SLC25A43: variants seen among roughly 807,000 people sequenced by gnomAD.
SLC25A43 encodes solute carrier family 25 member 43.
Under a neutral mutation model 22.8 loss-of-function variants are expected in SLC25A43, and 10 were observed. That is an observed-to-expected ratio of 0.44 (90% CI 0.27 to 0.74). The LOEUF is 0.74. SLC25A43 is among the 30% of genes least tolerant of loss of function. The pLI, the probability that SLC25A43 is intolerant of heterozygous loss-of-function variation, is 0.17. For missense variants in SLC25A43, 233 were observed against 279.1 expected (o/e 0.83, Z 1.18); for synonymous variants, 106 against 121.6 (o/e 0.87, Z 0.84).
chrX:119,453,462 A>G lies in SLC25A43; in HGVS notation c.*397A>G, dbSNP rs972863417. 6.3e-5 allele frequency: 10 copies of G among 157,937 alleles called. No homozygotes were observed. The highest frequency in any genetic ancestry group is 1.2e-4 in the African/African-American group (4 of 32,317). 13.0% of individuals were successfully genotyped at this position (157,937 alleles called of 1,213,427 possible). Reference sequence around the variant, plus strand: ...TCAGCCACTGGGTCACTTGTAGTCAATGCAAAGCTTGCACAAACCAACGTC... The same window carrying G: ...TCAGCCACTGGGTCACTTGTAGTCAGTGCAAAGCTTGCACAAACCAACGTC... On this transcript the variant is annotated 3_prime_UTR_variant, in exon 5 of 5. Transcript: ENST00000217909.
intron 3 of SLC25A43, among the ~76,000 whole-genome samples, chrX:119,414,380 G>A (rs190192375): frequency 9.0e-6 from 1 of 111,399 alleles, no homozygotes; most frequent in Admixed American, 9.6e-5. Context: ...TGTGTTGGTG[G>A]TGGTGGTGGG....
Position 119,454,304 on chromosome X carries a change from T to C in SLC25A43, c.*1239T>C, listed in dbSNP as rs969860642. 2 of 112,563 alleles carry C rather than the reference T, an allele frequency of 1.8e-5. No individual in the cohort carries two copies. Among genetic ancestry groups the C allele is most frequent in the Non-Finnish European group, 3.8e-5 (2 of 53,313 alleles). 9.3% of individuals were successfully genotyped at this position (112,563 alleles called of 1,213,427 possible). A position where few individuals can be genotyped will look rare whatever the true frequency, so the allele number is the denominator to read the frequency against. ...GGATTGTTCCACTTTAGAGATTCTA[T>C]GTAAAGTTTATATAACTATACTTGT... On this transcript the variant is annotated 3_prime_UTR_variant, in exon 5 of 5. Transcript: ENST00000217909.
At chrX:119,413,906 T>C (rs2052374444) in intron 3 of SLC25A43, among the ~76,000 whole-genome samples, 1 of 111,240 alleles carries the variant, frequency 9.0e-6, no homozygotes. Context: ...AACCTTTGCA[T>C]TTTTTCATAT....
At chrX:119,443,083 A>G (rs754608454) in intron 3 of SLC25A43, among the ~76,000 whole-genome samples, 44 of 106,527 alleles carry the variant, frequency 4.1e-4, no homozygotes, top group Admixed American at 3.8e-3. Flanking sequence ...GTATTTATTT[A>G]CCATCTCCAG....
chrX:119,421,642 G>A (rs550834039), intron 3 of SLC25A43, among the ~76,000 whole-genome samples: 249 of 111,775 alleles, frequency 2.2e-3, no homozygotes, highest in South Asian at 5.2e-3. Flanking sequence ...CTGACCTACT[G>A]TAGCACATAC....
intron 3 of SLC25A43, among the ~76,000 whole-genome samples, chrX:119,419,931 C>T (rs12842133): frequency 0.099 from 11,044 of 111,498 alleles, 705 homozygotes; most frequent in African/African-American, 0.23. Context: ...TCAGCTCATA[C>T]CTAGGCTATT....
chrX:119,447,541 C>A (rs2052677713), intron 3 of SLC25A43, among the ~76,000 whole-genome samples: 1 of 111,041 alleles, frequency 9.0e-6, no homozygotes, highest in South Asian at 3.8e-4. Context: ...CTCCTGGGCT[C>A]AAGCAATCCT....
At chrX:119,425,564 T>A (rs1639438270) in intron 3 of SLC25A43, among the ~76,000 whole-genome samples, 1 of 109,223 alleles carries the variant, frequency 9.2e-6, no homozygotes, top group Admixed American at 9.9e-5. Flanking sequence ...GTCATCTTAC[T>A]TTTAGGTCTG....
chrX:119,427,485 G>A (rs1318599947), intron 3 of SLC25A43, among the ~76,000 whole-genome samples: 2 of 112,321 alleles, frequency 1.8e-5, no homozygotes, highest in Non-Finnish European at 1.9e-5. Context: ...CAATGTCCCC[G>A]CTGCAGAGCC....
intron 3 of SLC25A43, among the ~76,000 whole-genome samples, chrX:119,444,727 T>C (rs1223096327): frequency 4.3e-5 from 4 of 93,782 alleles, no homozygotes; most frequent in Non-Finnish European, 8.5e-5. Context: ...AAAGAAGAAA[T>C]TGAAGCTCAG....
At chrX:119,448,852 T>A (rs1173599062) in intron 3 of SLC25A43, among the ~76,000 whole-genome samples, 1 of 112,024 alleles carries the variant, frequency 8.9e-6, no homozygotes, top group Non-Finnish European at 1.9e-5. Context: ...GGTTCACTAA[T>A]GTATCCTGAG....
intron 3 of SLC25A43, among the ~76,000 whole-genome samples, chrX:119,412,978 G>A (rs752533956): frequency 2.7e-5 from 3 of 110,016 alleles, no homozygotes; most frequent in African/African-American, 9.9e-5. Flanking sequence ...AATTACCTGG[G>A]CATGGTGGTG....
intron 3 of SLC25A43, among the ~76,000 whole-genome samples, chrX:119,443,785 G>T: frequency 9.2e-6 from 1 of 108,403 alleles, no homozygotes; most frequent in African/African-American, 3.4e-5. Context: ...TTTCTCTGTT[G>T]CCCAGGCTGG....
At chrX:119,432,653 G>A (rs2052562464) in intron 3 of SLC25A43, among the ~76,000 whole-genome samples, 1 of 109,694 alleles carries the variant, frequency 9.1e-6, no homozygotes, top group South Asian at 3.9e-4. Context: ...GCTGGGCGTG[G>A]TGGCACACAC....
chrX:119,431,516 GAA>G (rs11411959), intron 3 of SLC25A43, among the ~76,000 whole-genome samples: 19,861 of 88,959 alleles, frequency 0.22, 1,593 homozygotes, highest in African/African-American at 0.27. Context: ...GTCTCCAACA[GAA>G]AAAAAAAAAA....
At chrX:119,422,296 A>C (rs943434474) in intron 3 of SLC25A43, among the ~76,000 whole-genome samples, 85 of 111,216 alleles carry the variant, frequency 7.6e-4, no homozygotes, top group Non-Finnish European at 1.3e-4. Context: ...ATTTCTGTCC[A>C]TGCCCTACCT....
rs1405604353 is a variant in SLC25A43, at chrX:119,399,505, G to A, written c.102G>A (p.Glu34=). 4 of 1,094,306 alleles carry A rather than the reference G, an allele frequency of 3.7e-6. No homozygotes were observed. Among genetic ancestry groups the A allele is most frequent in the Non-Finnish European group, 2.4e-6 (2 of 840,835 alleles). 90.2% of individuals were successfully genotyped at this position (1,094,306 alleles called of 1,213,427 possible). A position where few individuals can be genotyped will look rare whatever the true frequency, so the allele number is the denominator to read the frequency against. The stretch of plus-strand genomic sequence containing the variant: ...GCCTCAGCCTCACCGCGCCCCTGGA[G>A]CTCGCCACCGTGCTGGCCCAGGTTG... ...TLSLSLTAPL[E]LATVLAQVGV... The change falls in exon 1 of 5, where the codon GAG becomes GAA. Residue 34 remains glutamate (E), a synonymous_variant. Coordinates refer to ENST00000217909, the MANE Select transcript of SLC25A43 (RefSeq NM_145305.3).
chrX:119,429,183 C>T lies in SLC25A43; in HGVS notation c.690+18821C>T, dbSNP rs185936955. Among the ~76,000 whole-genome samples the T allele has an allele frequency of 9.8e-3, 1,067 of 109,341 alleles. 16 individuals are homozygous for T. Among genetic ancestry groups the T allele is most frequent in the African/African-American group, 0.033 (1,000 of 29,939 alleles). The allele number at this position is 109,341 out of a possible 115,157, so 94.9% of individuals were successfully genotyped here. On this transcript the variant is annotated intron_variant, in intron 3 of 4. Transcript: ENST00000217909. ...TCTCCTGCCTCACCCTCCCGAGTAGCTGGGAGTACAGGCACACGCCACCAT... is the reference window on the plus strand; with the variant it reads ...TCTCCTGCCTCACCCTCCCGAGTAGTTGGGAGTACAGGCACACGCCACCAT...
At chrX:119,447,514 C>T (rs2052677490) in intron 3 of SLC25A43, among the ~76,000 whole-genome samples, 1 of 109,574 alleles carries the variant, frequency 9.1e-6, no homozygotes. Flanking sequence ...CACTGTGTTG[C>T]CCAGGCTGGT....
Sources: allele counts gnomAD v4.1 joint callset (sites outside exome capture counted in the v4.1 genomes callset), GRCh38; gene constraint gnomAD v4.1.1; transcripts MANE v1.5; gene names NCBI Gene and HGNC (gene_info 2026-07-23, HGNC 2026-07-21).